The following FLRT2 variants were observed in gnomAD, a reference collection of about 807,000 sequenced individuals.
FLRT2 encodes leucine-rich repeat transmembrane protein FLRT2.
A neutral mutation model predicts 40.0 loss-of-function variants in FLRT2; 15 were observed. The observed-to-expected ratio is 0.38, with a 90% confidence interval of 0.25 to 0.58. The LOEUF is 0.58. Among genes scored for constraint, FLRT2 ranks in the 20% least tolerant of loss-of-function variants. The pLI is 0.71. For missense variants in FLRT2, 726 were observed against 840.0 expected (o/e 0.86, Z 1.68); for synonymous variants, 380 against 336.8 (o/e 1.13, Z -1.41).
intron 1 of FLRT2, among the ~76,000 whole-genome samples, chr14:85,606,000 G>C (rs905856842): frequency 6.6e-6 from 1 of 151,794 alleles, no homozygotes; most frequent in East Asian, 1.9e-4. Flanking sequence ...CCCCTCCCCC[G>C]CATATACCAG....
rs2139804796 is a variant in FLRT2, at chr14:85,538,045, T to C, written c.-377+7511T>C. ...CTGTAAAACATCTTTCTAAAAGAAGTCCTTCTCTTGCAAGCCTCCCACTTA... is the reference window on the plus strand; with the variant it reads ...CTGTAAAACATCTTTCTAAAAGAAGCCCTTCTCTTGCAAGCCTCCCACTTA... On this transcript the variant is annotated intron_variant, in intron 1 of 1. Transcript: ENST00000330753. 2.0e-5 allele frequency among the ~76,000 whole-genome samples: 3 copies of C among 152,254 alleles called. No individual in the cohort carries two copies. In the South Asian group the frequency reaches 6.2e-4, roughly 32 times the overall value.
chr14:85,568,716 G>T (rs1054236624), intron 1 of FLRT2, among the ~76,000 whole-genome samples: 1 of 152,110 alleles, frequency 6.6e-6, no homozygotes, highest in Admixed American at 6.5e-5. Context: ...TCACTATGGA[G>T]CCCAACCTTG....
chr14:85,581,342 C>T (rs552167811), intron 1 of FLRT2, among the ~76,000 whole-genome samples: 2 of 152,194 alleles, frequency 1.3e-5, no homozygotes, highest in East Asian at 1.9e-4. Context: ...CTTGGCTTCA[C>T]GTGGCTCATA....
intron 1 of FLRT2, among the ~76,000 whole-genome samples, chr14:85,549,810 ATTTTT>A (rs61018495): frequency 5.9e-5 from 8 of 134,896 alleles, no homozygotes; most frequent in Non-Finnish European, 8.0e-5. Context: ...ACACATAGCT[ATTTTT>A]TTTTTTTTTT....
rs778655319 is a variant in FLRT2 at position 85,623,121 on chromosome 14, G to A, written c.1607G>A (p.Ser536Asn). The A allele has an allele frequency of 6.2e-7, 1 of 1,610,016 alleles. No homozygotes were observed. ...AGCCATGAGCAGACGACGTCCCACA[G>A]CATGGGCTCCCCCTTTCTGCTGGCG... ...ASSHEQTTSH[S>N]MGSPFLLAGL... The change falls in exon 2 of 2, where the codon AGC (serine) becomes AAC (asparagine). Residue 536 changes from serine (S) to asparagine (N), a missense_variant. Ser to Asn is a conservative substitution (Grantham distance 46). Transcript: ENST00000330753.
At chr14:85,609,647 A>G (rs11627505) in intron 1 of FLRT2, among the ~76,000 whole-genome samples, 32,916 of 152,144 alleles carry the variant, frequency 0.22, 3,975 homozygotes, top group Middle Eastern at 0.28. Context: ...ATATGAGCAT[A>G]TTTCAGGAAG....
rs186122998 is a variant in FLRT2 at position 85,646,165 on chromosome 14, T to G, written c.*22668T>G. The G allele has an allele frequency of 5.3e-5, 8 of 152,294 alleles. No homozygotes were observed. Among genetic ancestry groups the G allele is most frequent in the Admixed American group, 3.3e-4 (5 of 15,284 alleles). 9.4% of individuals were successfully genotyped at this position (152,294 alleles called of 1,614,324 possible). A position where few individuals can be genotyped will look rare whatever the true frequency, so the allele number is the denominator to read the frequency against. On this transcript the variant is annotated 3_prime_UTR_variant, in exon 2 of 2. Coordinates refer to ENST00000330753, the MANE Select transcript of FLRT2 (RefSeq NM_013231.6). ...AGGCCGGTAAGAGTCACTGTTATCA[T>G]TCACCACAAGTTGCCTGAAGCAACC...
At chr14:85,554,397 A>T (rs1889831177) in intron 1 of FLRT2, among the ~76,000 whole-genome samples, 1 of 152,210 alleles carries the variant, frequency 6.6e-6, no homozygotes, top group South Asian at 2.1e-4. Flanking sequence ...TAAATCTGAG[A>T]AATATTGTCC....
At chr14:85,563,442 T>C (rs1890465077) in intron 1 of FLRT2, among the ~76,000 whole-genome samples, 1 of 152,190 alleles carries the variant, frequency 6.6e-6, no homozygotes, top group Non-Finnish European at 1.5e-5. Flanking sequence ...TGACTCACAG[T>C]TCCTCAGGCT....
At chr14:85,549,232 C>G (rs117601660) in intron 1 of FLRT2, among the ~76,000 whole-genome samples, 3,641 of 151,958 alleles carry the variant, frequency 0.024, 67 homozygotes, top group Non-Finnish European at 0.038. Context: ...ACTGAGCTGT[C>G]TAACACTTAA....
At chr14:85,586,939 A>G (rs965175816) in intron 1 of FLRT2, among the ~76,000 whole-genome samples, 2 of 152,184 alleles carry the variant, frequency 1.3e-5, no homozygotes, top group African/African-American at 4.8e-5. Context: ...GCTGGTTTTC[A>G]TTGAGCTTAG....
At chr14:85,534,010 A>G (rs931260417) in intron 1 of FLRT2, among the ~76,000 whole-genome samples, 10 of 151,810 alleles carry the variant, frequency 6.6e-5, no homozygotes, top group Non-Finnish European at 1.3e-4. Context: ...CGCGCCCCCA[A>G]CCCTCTTCTT....
At chr14:85,570,788 T>C (rs1890856162) in intron 1 of FLRT2, among the ~76,000 whole-genome samples, 1 of 151,800 alleles carries the variant, frequency 6.6e-6, no homozygotes, top group Admixed American at 6.6e-5. Flanking sequence ...GGTTTCACCT[T>C]GTTAGCCAGG....
chr14:85,606,521 C>CTT (rs532159794), intron 1 of FLRT2, among the ~76,000 whole-genome samples: 28 of 99,948 alleles, frequency 2.8e-4, no homozygotes, highest in Non-Finnish European at 4.0e-4. Context: ...AGCTGTTACT[C>CTT]TTTTTTTTTT....
chr14:85,553,009 A>C (rs756513990), intron 1 of FLRT2, among the ~76,000 whole-genome samples: 18 of 152,142 alleles, frequency 1.2e-4, no homozygotes, highest in South Asian at 4.1e-4. Context: ...AATTTTAACT[A>C]TGGGATTTTT....
intron 1 of FLRT2, among the ~76,000 whole-genome samples, chr14:85,587,450 T>C (rs1595057881): frequency 6.6e-6 from 1 of 152,316 alleles, no homozygotes; most frequent in Non-Finnish European, 1.5e-5. Context: ...ATTTGATGTA[T>C]AATCTTGTGG....
At chr14:85,609,928 C>T (rs1205119751) in intron 1 of FLRT2, among the ~76,000 whole-genome samples, 2 of 152,214 alleles carry the variant, frequency 1.3e-5, no homozygotes, top group Non-Finnish European at 2.9e-5. Flanking sequence ...AGGAAAAAAG[C>T]CAATGGTTTT....
At chr14:85,569,648 T>C (rs1890800965) in intron 1 of FLRT2, among the ~76,000 whole-genome samples, 1 of 152,178 alleles carries the variant, frequency 6.6e-6, no homozygotes, top group Admixed American at 6.5e-5. Flanking sequence ...TCAGATGAGG[T>C]TTATTTTGTC....
At chr14:85,590,441 T>C (rs1472945661) in intron 1 of FLRT2, among the ~76,000 whole-genome samples, 1 of 152,214 alleles carries the variant, frequency 6.6e-6, no homozygotes, top group Non-Finnish European at 1.5e-5. Flanking sequence ...ATCTCAATGA[T>C]AGGTGAAGTG....
Sources: gnomAD v4.1 joint callset for allele counts (sites outside exome capture counted in the v4.1 genomes callset) on GRCh38, gnomAD v4.1.1 for gene constraint, MANE v1.5 for transcripts, NCBI Gene and HGNC (gene_info 2026-07-23, HGNC 2026-07-21) for gene names.